ASIC2: variants seen among roughly 807,000 people sequenced by gnomAD.
ASIC2 encodes the protein acid-sensing ion channel 2.
Under a neutral mutation model 57.3 loss-of-function variants are expected in ASIC2, and 25 were observed. The observed-to-expected ratio is 0.44, with a 90% confidence interval of 0.32 to 0.61. ASIC2 has a LOEUF of 0.61. ASIC2 is among the 20% of genes least tolerant of loss of function. The pLI, the probability that ASIC2 is intolerant of heterozygous loss-of-function variation, is 0.06. For synonymous variants in ASIC2, 319 were observed against 307.5 expected (o/e 1.04, Z -0.39); for missense variants, 641 against 738.1 (o/e 0.87, Z 1.52).
chr17:33,601,344 C>T (rs1249786456), intron 1 of ASIC2, among the ~76,000 whole-genome samples: 1 of 152,096 alleles, frequency 6.6e-6, no homozygotes, highest in Non-Finnish European at 1.5e-5. Context: ...GAAGGGTTTC[C>T]AAAGAAGTGC....
intron 1 of ASIC2, among the ~76,000 whole-genome samples, chr17:33,440,453 T>C (rs1911785246): frequency 6.6e-6 from 1 of 152,252 alleles, no homozygotes; most frequent in Admixed American, 6.5e-5. Context: ...TTTGTAGACA[T>C]ATGTTTTCAT....
intron 1 of ASIC2, among the ~76,000 whole-genome samples, chr17:33,997,548 T>C (rs1319316097): frequency 6.6e-6 from 1 of 152,146 alleles, no homozygotes; most frequent in Non-Finnish European, 1.5e-5. Flanking sequence ...GAGTTATAGT[T>C]TTATACCTAA....
chr17:34,088,436 T>C (rs1291155708), intron 1 of ASIC2, among the ~76,000 whole-genome samples: 1 of 152,206 alleles, frequency 6.6e-6, no homozygotes, highest in African/African-American at 2.4e-5. Context: ...CCGTGTGAAG[T>C]GTCAGTCTGC....
intron 1 of ASIC2, among the ~76,000 whole-genome samples, chr17:33,868,419 C>A (rs1250841984): frequency 6.6e-6 from 1 of 152,028 alleles, no homozygotes. Flanking sequence ...TGAAGTCAGA[C>A]CCCTACCTCA....
chr17:33,981,364 G>T (rs978191510), intron 1 of ASIC2, among the ~76,000 whole-genome samples: 1 of 152,200 alleles, frequency 6.6e-6, no homozygotes, highest in Non-Finnish European at 1.5e-5. Context: ...TGAGCAGGAA[G>T]TTTTCATTTT....
At chr17:33,494,379 C>T (rs1913860605) in intron 1 of ASIC2, among the ~76,000 whole-genome samples, 1 of 152,168 alleles carries the variant, frequency 6.6e-6, no homozygotes, top group African/African-American at 2.4e-5. Context: ...TGTTTGGAGC[C>T]AAGACTAATG....
chr17:34,013,059 C>T (rs1261085412), intron 1 of ASIC2, among the ~76,000 whole-genome samples: 1 of 152,202 alleles, frequency 6.6e-6, no homozygotes, highest in Non-Finnish European at 1.5e-5. Context: ...CTGGCTCAAC[C>T]CCCCTGGAGA....
Position 33,739,928 on chromosome 17 carries a change from G to T in ASIC2, c.555+416050C>A, listed in dbSNP as rs113508873. 3.3e-4 allele frequency among the ~76,000 whole-genome samples: 38 copies of T among 113,488 alleles called. 2 individuals are homozygous for T. The highest frequency in any genetic ancestry group is 1.3e-3 in the African/African-American group (38 of 30,342). The allele number at this position is 113,488 out of a possible 152,430, so 74.5% of individuals were successfully genotyped here. ...AGAAAGAAAGAAAAGAAAAAAGAAAGAAAAAAGAGAAAGAAAGAAAAGAAA... is the reference window on the plus strand; with the variant it reads ...AGAAAGAAAGAAAAGAAAAAAGAAATAAAAAAGAGAAAGAAAGAAAAGAAA... On this transcript the variant is annotated intron_variant, in intron 1 of 9. Transcript: ENST00000359872.
chr17:33,522,609 G>A (rs868641043), intron 1 of ASIC2, among the ~76,000 whole-genome samples: 2 of 152,164 alleles, frequency 1.3e-5, no homozygotes, highest in South Asian at 2.1e-4. Flanking sequence ...GTGAGAGGAC[G>A]CAGTAAAGAG....
intron 1 of ASIC2, among the ~76,000 whole-genome samples, chr17:33,649,442 G>A (rs375224724): frequency 2.4e-4 from 36 of 152,260 alleles, no homozygotes; most frequent in African/African-American, 8.2e-4. Context: ...TGAAAAACTC[G>A]ACATATCAAC....
intron 1 of ASIC2, among the ~76,000 whole-genome samples, chr17:33,790,374 G>A (rs546785190): frequency 5.3e-5 from 8 of 152,102 alleles, no homozygotes; most frequent in Non-Finnish European, 1.2e-4. Context: ...CTATGAAGAA[G>A]CAATCTCAGA....
chr17:33,463,493 TGTCA>T (rs1912710646), intron 1 of ASIC2, among the ~76,000 whole-genome samples: 1 of 152,250 alleles, frequency 6.6e-6, no homozygotes, highest in Non-Finnish European at 1.5e-5. Flanking sequence ...TTCCAATGTC[TGTCA>T]GTCAGTGAAT....
chr17:33,258,039 A>G (rs1365181822), intron 1 of ASIC2, among the ~76,000 whole-genome samples: 2 of 152,336 alleles, frequency 1.3e-5, no homozygotes, highest in Non-Finnish European at 2.9e-5. Flanking sequence ...AACAAGTTAT[A>G]TGATTTTTTA....
At chr17:33,064,778 C>A (rs72817083) in intron 3 of ASIC2, among the ~76,000 whole-genome samples, 31,195 of 152,212 alleles carry the variant, frequency 0.2, 3,479 homozygotes, top group Middle Eastern at 0.31. Flanking sequence ...GAGCTTTAGA[C>A]TGGAGTTGTT....
At chr17:34,058,313 A>T (rs1908845261) in intron 1 of ASIC2, among the ~76,000 whole-genome samples, 1 of 152,152 alleles carries the variant, frequency 6.6e-6, no homozygotes. Context: ...GTGCCACCTC[A>T]CTGGGTCATC....
At chr17:33,488,486 T>C (rs1359014047) in intron 1 of ASIC2, among the ~76,000 whole-genome samples, 1 of 152,224 alleles carries the variant, frequency 6.6e-6, no homozygotes, top group East Asian at 1.9e-4. Context: ...CAGAAATGTG[T>C]TTATTTTGGA....
At chr17:33,029,612 G>A (rs2091872889) in intron 3 of ASIC2, among the ~76,000 whole-genome samples, 1 of 152,192 alleles carries the variant, frequency 6.6e-6, no homozygotes, top group Admixed American at 6.5e-5. Flanking sequence ...AAGTCATTTT[G>A]TGGACATATG....
intron 1 of ASIC2, among the ~76,000 whole-genome samples, chr17:33,590,573 C>T (rs1904793530): frequency 6.6e-6 from 1 of 151,274 alleles, no homozygotes; most frequent in African/African-American, 2.4e-5. Flanking sequence ...ATCTCTACAC[C>T]ACACCCCAAT....
chr17:33,436,853 C>CTTTTTTTTTTTTTTTTT (rs71144877), intron 1 of ASIC2, among the ~76,000 whole-genome samples: 1 of 66,596 alleles, frequency 1.5e-5, no homozygotes, highest in Non-Finnish European at 3.0e-5. Context: ...ATTCCAACTT[C>CTTTTTTTTTTTTTTTTT]TTTTTTTTTT....
Sources: allele counts gnomAD v4.1 joint callset (sites outside exome capture counted in the v4.1 genomes callset), GRCh38; gene constraint gnomAD v4.1.1; transcripts MANE v1.5; gene names NCBI Gene and HGNC (gene_info 2026-07-23, HGNC 2026-07-21).